Variants in PPP1R10 observed in about 807,000 individuals in gnomAD.
PPP1R10 encodes protein phosphatase 1 regulatory subunit 10, also known as serine/threonine-protein phosphatase 1 regulatory subunit 10.
PPP1R10 carries 15 observed loss-of-function variants against 99.0 expected under a neutral mutation model. The observed-to-expected ratio is 0.15, with a 90% CI of 0.10 to 0.23. PPP1R10 has a LOEUF of 0.23. PPP1R10 is among the 10% of genes least tolerant of loss of function. PPP1R10 has a pLI of 1.00. For synonymous variants in PPP1R10, 430 were observed against 449.5 expected (o/e 0.96, Z 0.55); for missense variants, 947 against 1,259.4 (o/e 0.75, Z 3.75).
In PPP1R10 at chr6:30,605,915, A is replaced by T; in HGVS notation, c.853+8T>A. ...ATTCAAAGTACATCTTCCCCACTTT[A>T]GACTCACGCTGTGGCGGGATGATCT... On this transcript the variant is annotated splice_region_variant and intron_variant, in intron 10 of 19. Transcript: ENST00000376511. The T allele has an allele frequency of 6.2e-7, 1 of 1,603,226 alleles. No homozygotes were observed. Among genetic ancestry groups the T allele is most frequent in the Non-Finnish European group, 8.5e-7 (1 of 1,171,262 alleles).
rs926441591 is a variant in PPP1R10 at position 30,616,588 on chromosome 6, G to A, written c.-122C>T. The A allele has an allele frequency of 4.6e-5, 7 of 151,944 alleles. No homozygotes were observed. The highest frequency in any genetic ancestry group is 8.8e-5 in the Non-Finnish European group (6 of 67,996). 9.4% of individuals were successfully genotyped at this position (151,944 alleles called of 1,614,324 possible). On this transcript the variant is annotated 5_prime_UTR_variant, in exon 2 of 20. Transcript: ENST00000376511. ...AGGACCCAAAACTCAATTATTTAGG[G>A]GGCCTCATTGGATCAAAAAGTCTTT...
rs2127433470 is a variant in PPP1R10, at chr6:30,600,883, T to C, written c.*666A>G. On this transcript the variant is annotated 3_prime_UTR_variant, in exon 20 of 20. Transcript: ENST00000376511. ...TCTGCCAGCTAAAACTTGCACCGGATGCAGATACGAGTTCGCCATCATCGA... is the reference window on the plus strand; with the variant it reads ...TCTGCCAGCTAAAACTTGCACCGGACGCAGATACGAGTTCGCCATCATCGA... The C allele has an allele frequency of 6.5e-6, 1 of 152,758 alleles. No individual in the cohort carries two copies. Among genetic ancestry groups the C allele is most frequent in the Middle Eastern group, 3.4e-3 (1 of 294 alleles). The allele number at this position is 152,758 out of a possible 1,614,324, so 9.5% of individuals were successfully genotyped here. A position where few individuals can be genotyped will look rare whatever the true frequency, so the allele number is the denominator to read the frequency against.
Position 30,602,541 on chromosome 6 carries a change from T to A in PPP1R10, c.2108A>T (p.Tyr703Phe). 1 of 1,572,494 alleles carries A rather than the reference T, an allele frequency of 6.4e-7. No homozygotes were observed. The highest frequency in any genetic ancestry group is 8.6e-7 in the Non-Finnish European group (1 of 1,158,792). ...RGGPGPGPGP[Y>F]HRGRGGRGGN... ...TCCTCGGCCACCTCGGCCTCTATGG[T>A]ATGGTCCAGGACCTGGTCCTGGACC... is the stretch of plus-strand genomic sequence containing the variant. Residue 703 changes from tyrosine to phenylalanine, a missense_variant, in exon 19 of 20, where the codon TAC (tyrosine) becomes TTC (phenylalanine). Coordinates refer to ENST00000376511, the MANE Select transcript of PPP1R10 (RefSeq NM_002714.4). The surrounding 1 kb of genome is among the most constrained non-coding windows in gnomAD (Gnocchi z 6.7).
chr6:30,612,752 C>A (rs113990981), intron 2 of PPP1R10, among the ~76,000 whole-genome samples: 27 of 152,138 alleles, frequency 1.8e-4, no homozygotes, highest in Admixed American at 5.2e-4. Context: ...TGGAAAAAAA[C>A]CAAACAATTT....
intron 2 of PPP1R10, among the ~76,000 whole-genome samples, 196 bp downstream of exon 2, chr6:30,616,282 T>C (rs748400369): frequency 2.4e-4 from 36 of 152,266 alleles, no homozygotes; most frequent in African/African-American, 8.7e-4. Flanking sequence ...AGGGAAGAGA[T>C]AGGTGGTAGG....
chr6:30,606,761 A>C lies in PPP1R10; in HGVS notation c.460+18T>G. On this transcript the variant is annotated intron_variant, in intron 7 of 19. Transcript: ENST00000376511. This position sits in a 1 kb window ranked among gnomAD's most constrained non-coding sequence, Gnocchi z 6.3. ...AGGAAAGAAATAAATACAAAGGATAAAGGACTAAGGAGCTTACCAGCAGGC... is the reference window on the plus strand; with the variant it reads ...AGGAAAGAAATAAATACAAAGGATACAGGACTAAGGAGCTTACCAGCAGGC... 11 of 1,612,860 alleles carry C rather than the reference A, an allele frequency of 6.8e-6. No homozygotes were observed. Among genetic ancestry groups the C allele is most frequent in the Non-Finnish European group, 9.3e-6 (11 of 1,178,872 alleles).
intron 2 of PPP1R10, among the ~76,000 whole-genome samples, chr6:30,616,116 T>G (rs758836000): frequency 6.6e-6 from 1 of 152,228 alleles, no homozygotes; most frequent in Non-Finnish European, 1.5e-5. Context: ...TTAACCCTTT[T>G]GAAGACTGCT....
In PPP1R10 at chr6:30,603,192, G is replaced by A; in HGVS notation, c.1843+18C>T. 1 of 1,602,580 alleles carries A rather than the reference G, an allele frequency of 6.2e-7. No homozygotes were observed. Among genetic ancestry groups the A allele is most frequent in the Non-Finnish European group, 8.6e-7 (1 of 1,169,534 alleles). On this transcript the variant is annotated intron_variant, in intron 17 of 19. Coordinates refer to ENST00000376511, the MANE Select transcript of PPP1R10 (RefSeq NM_002714.4). Reference sequence around the variant, plus strand: ...AGGCTTCCTCCCCCAGTCCCCTGGGGCTGGCCCTGAAGATTACCCAGCATC... The same window carrying A: ...AGGCTTCCTCCCCCAGTCCCCTGGGACTGGCCCTGAAGATTACCCAGCATC...
At chr6:30,608,709 T>C in intron 5 of PPP1R10, 70 bp downstream of exon 5, 1 of 1,516,210 alleles carries the variant, frequency 6.6e-7, no homozygotes, top group Non-Finnish European at 9.0e-7. Context: ...GCCACATCAG[T>C]CAGTTTGAGT....
In PPP1R10 at chr6:30,608,884, A is replaced by C; in HGVS notation, c.225T>G (p.Leu75=). ...KFIDVGGYKL[L]NNWLTYSKTT... ...TCTTTGAATACGTCAGCCAATTGTTAAGAAGTTTGTAGCCGCCAACGTCAA... is the reference window on the plus strand; with the variant it reads ...TCTTTGAATACGTCAGCCAATTGTTCAGAAGTTTGTAGCCGCCAACGTCAA... Residue 75 remains leucine (L), a synonymous_variant, in exon 5 of 20, where the codon CTT becomes CTG. Transcript: ENST00000376511. 1 of 1,614,174 alleles carries C rather than the reference A, an allele frequency of 6.2e-7. No homozygotes were observed. Among genetic ancestry groups the C allele is most frequent in the South Asian group, 1.1e-5 (1 of 91,090 alleles).
At chr6:30,603,419 G>A in intron 16 of PPP1R10, 53 bp downstream of exon 16, 1 of 1,592,856 alleles carries the variant, frequency 6.3e-7, no homozygotes. Context: ...AGTGAGGAGA[G>A]CGAGCTTAAG....
At chr6:30,603,180 C>T in intron 17 of PPP1R10, 30 bp downstream of exon 17, 5 of 1,591,014 alleles carry the variant, frequency 3.1e-6, no homozygotes, top group Non-Finnish European at 3.5e-6. Context: ...CTTCCTCCCC[C>T]AGTCCCCTGG....
In PPP1R10 at chr6:30,609,296, C is replaced by T. The variant is rs1208942130; in HGVS notation, c.108-133G>A. ...CTCCAGAGAAGGGGAGTCACATATA[C>T]CTCTAGGAAGATGGGATGGATCCAG... On this transcript the variant is annotated intron_variant, in intron 3 of 19. Coordinates refer to ENST00000376511, the MANE Select transcript of PPP1R10 (RefSeq NM_002714.4). The surrounding 1 kb of genome is among the most constrained non-coding windows in gnomAD (Gnocchi z 4.5). 38 of 730,896 alleles carry T rather than the reference C, an allele frequency of 5.2e-5. 1 individual carries two copies. The South Asian group carries it at 5.8e-4, about 11-fold the overall frequency. The allele number at this position is 730,896 out of a possible 1,614,324, so 45.3% of individuals were successfully genotyped here.
In PPP1R10 at chr6:30,616,755, G is replaced by T. The variant is rs1760610881; in HGVS notation, c.-289C>A. The T allele has an allele frequency of 6.6e-6, 1 of 152,090 alleles. No homozygotes were observed. Among genetic ancestry groups the T allele is most frequent in the East Asian group, 1.9e-4 (1 of 5,190 alleles). The allele number at this position is 152,090 out of a possible 1,614,324, so 9.4% of individuals were successfully genotyped here. On this transcript the variant is annotated 5_prime_UTR_variant, in exon 2 of 20. Transcript: ENST00000376511. ...TTTGGGTGGTTTGGGAAGGGAGGGT[G>T]GTTGATTATTTTTGAAGTTATGTAG...
Position 30,607,828 on chromosome 6 carries a change from G to A in PPP1R10, c.382+12C>T, listed in dbSNP as rs571370260. On this transcript the variant is annotated intron_variant, in intron 6 of 19. Transcript: ENST00000376511. ...GAGAAAAGCCCATGAGAGAGCAGAA[G>A]TGGCACCCTACCTTCATCCTCACTT... 7 of 1,611,754 alleles carry A rather than the reference G, an allele frequency of 4.3e-6. No homozygotes were observed. In the African/African-American group the frequency reaches 5.3e-5, roughly 12 times the overall value.
At position 30,604,742 on chromosome 6, in the gene PPP1R10, T is replaced by A; in HGVS notation, c.955-7A>T. ...TCCCTTCAAAGGGGCTTGGCTATTG[T>A]GAAAGAAAAGGAAGTTAATGAACTG... is the stretch of plus-strand genomic sequence containing the variant. On this transcript the variant is annotated splice_polypyrimidine_tract_variant and splice_region_variant and intron_variant, in intron 11 of 19. Coordinates refer to ENST00000376511, the MANE Select transcript of PPP1R10 (RefSeq NM_002714.4). The surrounding 1 kb of genome is among the most constrained non-coding windows in gnomAD (Gnocchi z 7.3). The A allele has an allele frequency of 1.9e-6, 3 of 1,612,772 alleles. No individual in the cohort carries two copies. The highest frequency in any genetic ancestry group is 2.5e-6 in the Non-Finnish European group (3 of 1,179,974).
chr6:30,614,916 T>C (rs1760295698), intron 2 of PPP1R10, among the ~76,000 whole-genome samples: 1 of 152,224 alleles, frequency 6.6e-6, no homozygotes, highest in South Asian at 2.1e-4. Context: ...CTTTAAGATA[T>C]TTTATATAAT....
At chr6:30,617,123 G>A (rs1198672887) in intron 1 of PPP1R10, 101 bp downstream of exon 1, 2 of 152,860 alleles carry the variant, frequency 1.3e-5, no homozygotes, top group African/African-American at 2.4e-5. Context: ...ACCGCTTTAA[G>A]CCGTGGCTCT....
chr6:30,615,520 T>A (rs1417752167), intron 2 of PPP1R10, among the ~76,000 whole-genome samples: 1 of 152,132 alleles, frequency 6.6e-6, no homozygotes, highest in Non-Finnish European at 1.5e-5. Flanking sequence ...GCAACGCCGC[T>A]TGGAAGACAA....
Sources: allele counts gnomAD v4.1 joint callset (sites outside exome capture counted in the v4.1 genomes callset), GRCh38; gene constraint gnomAD v4.1.1; non-coding constraint Gnocchi (gnomAD v3.1); transcripts MANE v1.5; gene names NCBI Gene and HGNC (gene_info 2026-07-23, HGNC 2026-07-21).